RGS6: variants seen among roughly 807,000 people sequenced by gnomAD.
RGS6 encodes regulator of G protein signaling 6, also known as regulator of G-protein signaling 6.
RGS6 carries 30 observed loss-of-function variants against 78.5 expected under a neutral mutation model. The ratio of observed to expected loss-of-function variants is 0.38; its 90% CI spans 0.29 to 0.52. The LOEUF is 0.52. Among genes scored for constraint, RGS6 ranks in the 20% least tolerant of loss-of-function variants. The pLI is 0.85. For synonymous variants in RGS6, 206 were observed against 206.0 expected (o/e 1.00, Z 0.00); for missense variants, 495 against 609.7 (o/e 0.81, Z 1.98).
chr14:72,016,618 G>A (rs527407500), intron 2 of RGS6, among the ~76,000 whole-genome samples: 9 of 152,172 alleles, frequency 5.9e-5, no homozygotes, highest in African/African-American at 2.2e-4. Flanking sequence ...GCCCTCCTCG[G>A]CCTCCCAAAA....
chr14:72,090,675 A>G (rs1406816365), intron 2 of RGS6, among the ~76,000 whole-genome samples: 1 of 152,188 alleles, frequency 6.6e-6, no homozygotes, highest in South Asian at 2.1e-4. Flanking sequence ...TTTAATGATC[A>G]TGTTCACATA....
At chr14:72,199,654 A>G (rs529890293) in intron 2 of RGS6, among the ~76,000 whole-genome samples, 80 of 152,326 alleles carry the variant, frequency 5.3e-4, no homozygotes, top group African/African-American at 1.9e-3. Flanking sequence ...TCCCCTCAGT[A>G]GGTGGCTGTT....
chr14:71,901,053 C>A, the RGS6 span, among the ~76,000 whole-genome samples: 1 of 152,180 alleles, frequency 6.6e-6, no homozygotes, highest in Non-Finnish European at 1.5e-5. Flanking sequence ...CAATCACCTT[C>A]CACCAGGCTC....
intron 2 of RGS6, among the ~76,000 whole-genome samples, chr14:72,122,742 T>G (rs372932477): frequency 0.072 from 9,856 of 137,256 alleles, 414 homozygotes; most frequent in South Asian, 0.097. Flanking sequence ...AAGTTATCGT[T>G]TTTTTTTTTT....
intron 2 of RGS6, among the ~76,000 whole-genome samples, chr14:72,086,260 G>T (rs1480719000): frequency 6.6e-6 from 1 of 152,154 alleles, no homozygotes; most frequent in Non-Finnish European, 1.5e-5. Context: ...GTCCAGAGAC[G>T]TTTGCTCGAC....
chr14:72,065,174 G>A (rs1191963097), intron 2 of RGS6, among the ~76,000 whole-genome samples: 1 of 152,164 alleles, frequency 6.6e-6, no homozygotes, highest in Admixed American at 6.5e-5. Context: ...GGCAGACTTT[G>A]AAAATGTTAT....
intron 2 of RGS6, among the ~76,000 whole-genome samples, chr14:72,075,346 G>A (rs1364111220): frequency 6.6e-6 from 1 of 151,782 alleles, no homozygotes; most frequent in African/African-American, 2.4e-5. Context: ...TTCATTATTG[G>A]TATACCCAAC....
the RGS6 span, among the ~76,000 whole-genome samples, chr14:71,868,594 TGAAA>T: frequency 6.6e-6 from 1 of 152,202 alleles, no homozygotes; most frequent in Non-Finnish European, 1.5e-5. Flanking sequence ...AGTACAGATA[TGAAA>T]GAAAGTTCTA....
intron 2 of RGS6, among the ~76,000 whole-genome samples, chr14:72,207,673 G>A (rs942983438): frequency 2.0e-5 from 3 of 152,116 alleles, no homozygotes; most frequent in South Asian, 2.1e-4. Flanking sequence ...TCTGCCTTCC[G>A]GTTTCAGCTC....
chr14:72,418,547 A>G (rs1156636821), intron 3 of RGS6, among the ~76,000 whole-genome samples: 2 of 152,220 alleles, frequency 1.3e-5, no homozygotes, highest in Non-Finnish European at 2.9e-5. Context: ...GAAAGATAGA[A>G]AAAGGAGTTT....
intron 2 of RGS6, among the ~76,000 whole-genome samples, chr14:72,112,962 T>G (rs1293968778): frequency 6.6e-6 from 1 of 152,192 alleles, no homozygotes; most frequent in Non-Finnish European, 1.5e-5. Flanking sequence ...CAGAAAACAG[T>G]TCTCTTATGG....
chr14:72,490,284 A>G (rs1198459785), intron 12 of RGS6, among the ~76,000 whole-genome samples: 1 of 152,196 alleles, frequency 6.6e-6, no homozygotes, highest in African/African-American at 2.4e-5. Context: ...TCCATGTAAG[A>G]CATGACTTGC....
intron 2 of RGS6, among the ~76,000 whole-genome samples, chr14:72,194,314 C>T (rs193545): frequency 0.098 from 14,949 of 152,172 alleles, 848 homozygotes; most frequent in East Asian, 0.24. Context: ...ATGGCTATAC[C>T]GGTAAACAGA....
chr14:72,091,190 A>G (rs2095258556), intron 2 of RGS6, among the ~76,000 whole-genome samples: 2 of 150,676 alleles, frequency 1.3e-5, no homozygotes, highest in Admixed American at 1.3e-4. Flanking sequence ...GCCTTCTCCC[A>G]CTCCCCGCTG....
At chr14:72,106,198 CCATT>C (rs1400831035) in intron 2 of RGS6, among the ~76,000 whole-genome samples, 3 of 152,110 alleles carry the variant, frequency 2.0e-5, no homozygotes, top group African/African-American at 7.2e-5. Flanking sequence ...GTCTTTCTAC[CCATT>C]CAATCATTAA....
chr14:72,264,444 A>G (rs553618733), intron 2 of RGS6, among the ~76,000 whole-genome samples: 1 of 152,388 alleles, frequency 6.6e-6, no homozygotes, highest in East Asian at 1.9e-4. Context: ...CACTATGTAT[A>G]AAATTAAACA....
At chr14:71,880,856 G>A in the RGS6 span, among the ~76,000 whole-genome samples, 3 of 152,196 alleles carry the variant, frequency 2.0e-5, no homozygotes, top group African/African-American at 7.2e-5. Flanking sequence ...AAGGTCCACT[G>A]TCCTCCAGAC....
chr14:71,967,085 G>A (rs1048417736), intron 2 of RGS6, among the ~76,000 whole-genome samples: 1 of 151,488 alleles, frequency 6.6e-6, no homozygotes, highest in Non-Finnish European at 1.5e-5. Flanking sequence ...GCCCTTTTCT[G>A]GTTTAATTTA....
At chr14:72,018,703 A>T (rs531784086) in intron 2 of RGS6, among the ~76,000 whole-genome samples, 3 of 152,244 alleles carry the variant, frequency 2.0e-5, no homozygotes, top group Non-Finnish European at 4.4e-5. Context: ...GAGCCCACAG[A>T]CTTTGCCTGT....
Sources: allele counts gnomAD v4.1 joint callset (sites outside exome capture counted in the v4.1 genomes callset), GRCh38; gene constraint gnomAD v4.1.1; transcripts MANE v1.5; gene names NCBI Gene and HGNC (gene_info 2026-07-23, HGNC 2026-07-21).